KIF26B: variants seen among roughly 807,000 people sequenced by gnomAD.
KIF26B encodes kinesin-like protein KIF26B.
Under a neutral mutation model 151.2 loss-of-function variants are expected in KIF26B, and 63 were observed. That is an observed-to-expected ratio of 0.42 (90% CI 0.34 to 0.51). KIF26B has a LOEUF of 0.51. Among genes scored for constraint, KIF26B ranks in the 20% least tolerant of loss-of-function variants. The pLI is 0.07. For synonymous variants in KIF26B, 1,357 were observed against 1,262.1 expected, an observed-to-expected ratio of 1.08 and a Z score of -1.59; for missense variants, 2,813 against 2,913.6, an observed-to-expected ratio of 0.97 and a Z score of 0.79.
At chr1:245,467,537 G>A (rs996369565) in intron 4 of KIF26B, among the ~76,000 whole-genome samples, 2 of 152,152 alleles carry the variant, frequency 1.3e-5, no homozygotes, top group African/African-American at 2.4e-5. Context: ...CTGGTAGATG[G>A]AAATCTCTGG....
intron 2 of KIF26B, among the ~76,000 whole-genome samples, chr1:245,351,217 CCT>C (rs1203532584): frequency 6.6e-6 from 1 of 152,204 alleles, no homozygotes; most frequent in Non-Finnish European, 1.5e-5. Context: ...TTCATCTTTG[CCT>C]CTCTCTAGAG....
intron 10 of KIF26B, among the ~76,000 whole-genome samples, chr1:245,663,141 G>C (rs2044175621): frequency 2.6e-5 from 4 of 151,908 alleles, no homozygotes; most frequent in Admixed American, 1.3e-4. Context: ...GGCTCTGCTT[G>C]GGTCCCCTGT....
chr1:245,689,392 C>T (rs572397497), intron 12 of KIF26B, among the ~76,000 whole-genome samples: 85 of 152,260 alleles, frequency 5.6e-4, no homozygotes, highest in African/African-American at 2.0e-3. Flanking sequence ...TGGGATAACG[C>T]ACAGATTGTC....
intron 2 of KIF26B, among the ~76,000 whole-genome samples, chr1:245,221,289 G>A (rs770331470): frequency 2.3e-4 from 35 of 150,034 alleles, no homozygotes; most frequent in Non-Finnish European, 4.4e-4. Flanking sequence ...TTTGGAAAGA[G>A]TTTCTCACAT....
At chr1:245,300,905 A>G (rs914435570) in intron 2 of KIF26B, among the ~76,000 whole-genome samples, 1 of 150,742 alleles carries the variant, frequency 6.6e-6, no homozygotes, top group Non-Finnish European at 1.5e-5. Flanking sequence ...ATCTCAGCTC[A>G]CTGCAACCTC....
In KIF26B at chr1:245,646,203, A is replaced by G. The variant is rs372523912; in HGVS notation, c.2181A>G (p.Ser727=). The G allele has an allele frequency of 2.5e-6, 4 of 1,613,884 alleles. No individual in the cohort carries two copies. In the African/African-American group the frequency reaches 4.0e-5, roughly 16 times the overall value. ...KALSKNREGG[S]GLCLSLSALG... ...TTAGCAAAAATCGAGAAGGAGGCTC[A>G]GGGCTGTGTCTCTCGCTGTCTGCTC... Residue 727 remains serine, a synonymous_variant, in exon 10 of 15, where the codon TCA becomes TCG. Transcript: ENST00000407071.
intron 10 of KIF26B, among the ~76,000 whole-genome samples, chr1:245,647,424 CAAAAAA>C (rs372008159): frequency 0.012 from 1,183 of 96,530 alleles, 8 homozygotes; most frequent in Non-Finnish European, 0.016. Context: ...GACTCCTTCT[CAAAAAA>C]AAAAAAAAAA....
intron 5 of KIF26B, among the ~76,000 whole-genome samples, chr1:245,544,613 G>A (rs113603193): frequency 3.3e-5 from 5 of 152,168 alleles, no homozygotes; most frequent in African/African-American, 1.2e-4. Context: ...AAGAAGTCAG[G>A]ACCTTTCGGC....
intron 4 of KIF26B, among the ~76,000 whole-genome samples, chr1:245,532,869 C>T (rs1661405320): frequency 6.6e-6 from 1 of 152,200 alleles, no homozygotes; most frequent in Non-Finnish European, 1.5e-5. Flanking sequence ...GGTGGATGCT[C>T]TTATTCCCGA....
At chr1:245,654,076 G>A (rs1305465741) in intron 10 of KIF26B, among the ~76,000 whole-genome samples, 1 of 152,138 alleles carries the variant, frequency 6.6e-6, no homozygotes, top group Non-Finnish European at 1.5e-5. Context: ...GTGAGTGAAT[G>A]AATGAAGGCA....
intron 4 of KIF26B, among the ~76,000 whole-genome samples, chr1:245,490,127 C>A (rs1660372502): frequency 6.6e-6 from 1 of 152,090 alleles, no homozygotes; most frequent in South Asian, 2.1e-4. Flanking sequence ...CCTGGCCTCT[C>A]CATTGAGTAT....
intron 4 of KIF26B, among the ~76,000 whole-genome samples, chr1:245,467,449 G>A (rs819741): frequency 0.98 from 149,168 of 152,280 alleles, 73,095 homozygotes; most frequent in East Asian, 1. Flanking sequence ...TCTTCTATCA[G>A]TGAAGCCCGT....
At chr1:245,312,888 G>A (rs1252015032) in intron 2 of KIF26B, among the ~76,000 whole-genome samples, 10 of 152,138 alleles carry the variant, frequency 6.6e-5, no homozygotes, top group Admixed American at 2.0e-4. Flanking sequence ...CTGGCCGGGC[G>A]CCGTGGCTCA....
At chr1:245,292,143 C>A (rs142071327) in intron 2 of KIF26B, among the ~76,000 whole-genome samples, 1 of 152,184 alleles carries the variant, frequency 6.6e-6, no homozygotes, top group East Asian at 1.9e-4. Flanking sequence ...CTCTACCCAG[C>A]GGGGTGTGAG....
At chr1:245,552,651 C>A (rs181973997) in intron 5 of KIF26B, among the ~76,000 whole-genome samples, 125 of 144,378 alleles carry the variant, frequency 8.7e-4, no homozygotes, top group Admixed American at 2.9e-3. Context: ...CTCACTCTGT[C>A]GCCCAGGCTG....
Position 245,303,347 on chromosome 1 carries a change from C to T in KIF26B, c.466-63487C>T, listed in dbSNP as rs538434625. ...CCGAGTAGCTGGGACTACAGGTGCCCGCCACCACGCCCGGCTAATTTTTTG... is the reference window on the plus strand; with the variant it reads ...CCGAGTAGCTGGGACTACAGGTGCCTGCCACCACGCCCGGCTAATTTTTTG... On this transcript the variant is annotated intron_variant, in intron 2 of 14. Transcript: ENST00000407071. 1.5e-3 allele frequency among the ~76,000 whole-genome samples: 228 copies of T among 151,150 alleles called. 2 individuals are homozygous for T. The highest frequency in any genetic ancestry group is 0.015 in the South Asian group (71 of 4,760).
intron 3 of KIF26B, among the ~76,000 whole-genome samples, chr1:245,372,930 C>T (rs1433400504): frequency 6.6e-6 from 1 of 152,160 alleles, no homozygotes; most frequent in African/African-American, 2.4e-5. Flanking sequence ...TATGAAATTC[C>T]TACCTCATGG....
chr1:245,688,143 C>G lies in KIF26B; in HGVS notation c.5160C>G (p.Ser1720Arg), dbSNP rs754956450. ...LGRSAGTSPP[S>R]SGASPKAGQS... ...GCAGCGCCGGGACCTCGCCCCCCAG[C>G]TCCGGGGCCTCGCCCAAGGCCGGCC... Residue 1720 changes from serine to arginine, a missense_variant, in exon 12 of 15, where the codon AGC (serine) becomes AGG (arginine). Ser to Arg is a moderately radical substitution (Grantham distance 110, BLOSUM62 -1). Coordinates refer to ENST00000407071, the MANE Select transcript of KIF26B (RefSeq NM_018012.4). 3.8e-6 allele frequency: 6 copies of G among 1,592,244 alleles called. No individual in the cohort carries two copies. The highest frequency in any genetic ancestry group is 5.1e-6 in the Non-Finnish European group (6 of 1,175,776).
intron 2 of KIF26B, among the ~76,000 whole-genome samples, chr1:245,204,991 G>T (rs959857746): frequency 9.2e-5 from 14 of 152,050 alleles, no homozygotes; most frequent in African/African-American, 3.1e-4. Context: ...TTGCTATGTT[G>T]CCCAGGCTGG....
Sources: allele counts gnomAD v4.1 joint callset (sites outside exome capture counted in the v4.1 genomes callset), GRCh38; gene constraint gnomAD v4.1.1; transcripts MANE v1.5; gene names NCBI Gene and HGNC (gene_info 2026-07-23, HGNC 2026-07-21).